DYM: variants seen among roughly 807,000 people sequenced by gnomAD.
The protein encoded by DYM is dyggve-Melchior-Clausen syndrome protein.
A neutral mutation model predicts 93.1 loss-of-function variants in DYM; 78 were observed. That is an observed-to-expected ratio of 0.84 (90% CI 0.70 to 1.01). The LOEUF is 1.01. Ranked by LOEUF, DYM falls within the 50% of genes least tolerant of loss-of-function variation. DYM has a pLI of 0.00. For missense variants in DYM, 789 were observed against 845.0 expected (o/e 0.93, Z 0.82); for synonymous variants, 321 against 319.7 (o/e 1.00, Z -0.04).
chr18:49,045,572 G>T (rs1316925208), intron 17 of DYM, among the ~76,000 whole-genome samples: 1 of 152,218 alleles, frequency 6.6e-6, no homozygotes, highest in East Asian at 1.9e-4. Flanking sequence ...AGAGATACGG[G>T]GGTGCGGCAG....
intron 16 of DYM, among the ~76,000 whole-genome samples, chr18:49,105,898 G>C (rs2080747926): frequency 6.6e-6 from 1 of 152,208 alleles, no homozygotes; most frequent in Admixed American, 6.5e-5. Flanking sequence ...ATTTGGGGTG[G>C]AGAGTTCTGT....
intron 17 of DYM, among the ~76,000 whole-genome samples, chr18:49,052,830 T>C (rs1485178750): frequency 6.6e-6 from 1 of 152,208 alleles, no homozygotes; most frequent in Non-Finnish European, 1.5e-5. Flanking sequence ...AGGAGGTGCC[T>C]GGGAAGGATC....
intron 2 of DYM, among the ~76,000 whole-genome samples, chr18:49,406,068 T>C (rs972567516): frequency 6.6e-6 from 1 of 152,214 alleles, no homozygotes; most frequent in African/African-American, 2.4e-5. Context: ...TTTTTGTACA[T>C]TGATTTTGTA....
intron 6 of DYM, among the ~76,000 whole-genome samples, chr18:49,339,009 A>C (rs2063874755): frequency 6.6e-6 from 1 of 152,244 alleles, no homozygotes; most frequent in Admixed American, 6.5e-5. Flanking sequence ...GGCTATTACA[A>C]ATAACTCCTG....
At chr18:49,372,708 G>A (rs370294654) in intron 5 of DYM, among the ~76,000 whole-genome samples, 10 of 152,150 alleles carry the variant, frequency 6.6e-5, no homozygotes, top group African/African-American at 1.9e-4. Context: ...TTGCACCACC[G>A]CACTCCAGCC....
intron 5 of DYM, among the ~76,000 whole-genome samples, chr18:49,365,523 CAAGTT>C (rs1375009490): frequency 1.3e-5 from 2 of 152,180 alleles, no homozygotes; most frequent in Non-Finnish European, 2.9e-5. Context: ...CAACATAACT[CAAGTT>C]AACAACCTAC....
chr18:49,157,069 C>T (rs1383847290), intron 15 of DYM, among the ~76,000 whole-genome samples: 1 of 151,950 alleles, frequency 6.6e-6, no homozygotes, highest in Non-Finnish European at 1.5e-5. Context: ...ACATGCCTGA[C>T]CTTGGGAATT....
intron 13 of DYM, among the ~76,000 whole-genome samples, chr18:49,218,707 T>A (rs367632775): frequency 1.3e-5 from 2 of 151,972 alleles, no homozygotes; most frequent in Non-Finnish European, 2.9e-5. Flanking sequence ...TTGAAACCAA[T>A]GAGAACAAAG....
rs202172264 is a variant in DYM, at chr18:49,095,447, G to GTT, written c.2025+1953_2025+1954dup. On this transcript the variant is annotated intron_variant, in intron 17 of 17. Transcript: ENST00000675505. The stretch of plus-strand genomic sequence containing the variant: ...AATCTTTTCTAGTACTGGTGATAGT[G>GTT]TTTTTTTTTTTTTGTTTTGTTTTTA... Among the ~76,000 whole-genome samples, 151 of 142,502 alleles carry GTT rather than the reference G, an allele frequency of 1.1e-3. 1 individual carries two copies. The highest frequency in any genetic ancestry group is 7.4e-3 in the East Asian group (36 of 4,886). 93.5% of individuals were successfully genotyped at this position (142,502 alleles called of 152,430 possible). A position where few individuals can be genotyped will look rare whatever the true frequency, so the allele number is the denominator to read the frequency against.
chr18:49,196,179 G>A (rs2091433609), intron 14 of DYM, among the ~76,000 whole-genome samples: 1 of 152,026 alleles, frequency 6.6e-6, no homozygotes, highest in African/African-American at 2.4e-5. Context: ...ACCCGCCTTG[G>A]CCTTCCAAAG....
chr18:49,420,255 C>T (rs1305736999), intron 2 of DYM, among the ~76,000 whole-genome samples: 2 of 151,294 alleles, frequency 1.3e-5, no homozygotes, highest in African/African-American at 4.9e-5. Flanking sequence ...ACAAGCTCTG[C>T]CGCGCGGGTT....
At chr18:49,224,684 G>A (rs747746614) in intron 13 of DYM, among the ~76,000 whole-genome samples, 34 of 152,100 alleles carry the variant, frequency 2.2e-4, no homozygotes, top group Non-Finnish European at 4.0e-4. Context: ...TCAGTAAGCA[G>A]GTCCTCACTA....
chr18:49,344,460 C>T (rs1297793932), intron 6 of DYM, among the ~76,000 whole-genome samples: 6 of 151,984 alleles, frequency 3.9e-5, no homozygotes, highest in African/African-American at 1.5e-4. Flanking sequence ...GTCAACACAC[C>T]ACTTAATACG....
chr18:49,250,891 G>A (rs147130134), intron 13 of DYM, among the ~76,000 whole-genome samples: 2 of 152,300 alleles, frequency 1.3e-5, no homozygotes, highest in African/African-American at 4.8e-5. Context: ...GAAGACGAAG[G>A]GCAAAGGGCA....
intron 8 of DYM, among the ~76,000 whole-genome samples, chr18:49,328,103 A>G (rs2063033338): frequency 6.6e-6 from 1 of 152,220 alleles, no homozygotes; most frequent in Non-Finnish European, 1.5e-5. Flanking sequence ...TAAAAAATTA[A>G]AACCAACTAT....
chr18:49,143,531 T>C (rs2084759599), intron 15 of DYM, among the ~76,000 whole-genome samples: 1 of 152,162 alleles, frequency 6.6e-6, no homozygotes, highest in African/African-American at 2.4e-5. Context: ...AAGCCGGATA[T>C]TGGTCTTATT....
intron 11 of DYM, among the ~76,000 whole-genome samples, chr18:49,265,412 G>A (rs1053216500): frequency 6.6e-6 from 1 of 152,208 alleles, no homozygotes; most frequent in Non-Finnish European, 1.5e-5. Context: ...GTGGAAGGAG[G>A]TGTGGGAGAG....
At chr18:49,348,034 A>G (rs1330803894) in intron 6 of DYM, among the ~76,000 whole-genome samples, 2 of 152,224 alleles carry the variant, frequency 1.3e-5, no homozygotes, top group Non-Finnish European at 2.9e-5. Context: ...TGTGAAGAAA[A>G]AGAGACAGGC....
At chr18:49,282,229 A>G (rs944009613) in intron 9 of DYM, 54 bp from the exon 10 acceptor site, 46 of 1,471,452 alleles carry the variant, frequency 3.1e-5, no homozygotes, top group Non-Finnish European at 4.3e-5. Context: ...TTATATAAAT[A>G]AAAATATTGT....
Sources: allele counts gnomAD v4.1 joint callset (sites outside exome capture counted in the v4.1 genomes callset), GRCh38; gene constraint gnomAD v4.1.1; transcripts MANE v1.5; gene names NCBI Gene and HGNC (gene_info 2026-07-23, HGNC 2026-07-21).